Variants in FBN3 observed in about 807,000 individuals in gnomAD.
FBN3 encodes the protein fibrillin 3.
In FBN3, 234 loss-of-function variants were observed where a neutral mutation model predicts 330.1. The observed-to-expected ratio is 0.71, with a 90% CI of 0.64 to 0.79. FBN3 has a LOEUF of 0.79. Among genes scored for constraint, FBN3 ranks in the 30% least tolerant of loss-of-function variants. The probability of loss-of-function intolerance (pLI) is 0.00; values close to 1 mark genes in which losing one functional copy is unlikely to be tolerated. For synonymous variants in FBN3, 1,458 were observed against 1,517.3 expected, an observed-to-expected ratio of 0.96 and a Z score of 0.91; for missense variants, 3,606 against 3,886.9, an observed-to-expected ratio of 0.93 and a Z score of 1.92.
Position 8,121,147 on chromosome 19 carries a change from T to C in FBN3, c.3211+111A>G, listed in dbSNP as rs1162212443. 3.8e-6 allele frequency: 4 copies of C among 1,066,634 alleles called. No homozygotes were observed. Among genetic ancestry groups the C allele is most frequent in the Non-Finnish European group, 5.4e-6 (4 of 734,858 alleles). The allele number at this position is 1,066,634 out of a possible 1,614,324, so 66.1% of individuals were successfully genotyped here. On this transcript the variant is annotated intron_variant, in intron 25 of 63. Coordinates refer to ENST00000600128, the MANE Select transcript of FBN3 (RefSeq NM_032447.5). The surrounding 1 kb of genome is among the most constrained non-coding windows in gnomAD (Gnocchi z 4.5). The stretch of plus-strand genomic sequence containing the variant: ...CAGCTAATTTACAGCTCCTCCCTCC[T>C]CCTGCCCCCTCCATCCACGTCCACA...
rs1215746968 is a variant in FBN3 at position 8,131,048 on chromosome 19, G to A, written c.2044+187C>T. The stretch of plus-strand genomic sequence containing the variant: ...GCCTCCAAGGGAACCAGCCCTGCCC[G>A]CACCTTGATCTCCGACCTCTGGCCT... On this transcript the variant is annotated intron_variant, in intron 16 of 63. Coordinates refer to ENST00000600128, the MANE Select transcript of FBN3 (RefSeq NM_032447.5). This position sits in a 1 kb window ranked among gnomAD's most constrained non-coding sequence, Gnocchi z 4.5. 1.3e-5 allele frequency among the ~76,000 whole-genome samples: 2 copies of A among 152,130 alleles called. No individual in the cohort carries two copies. Among genetic ancestry groups the A allele is most frequent in the Non-Finnish European group, 1.5e-5 (1 of 68,026 alleles).
intron 29 of FBN3, 67 bp from the exon 30 acceptor site, chr19:8,115,707 G>C (rs1250688626): frequency 6.4e-7 from 1 of 1,564,712 alleles, no homozygotes; most frequent in East Asian, 2.3e-5. Context: ...AAGTAGGTGA[G>C]GGTGGGAGGG....
At chr19:8,083,882 A>G (rs2081870036) in intron 56 of FBN3, among the ~76,000 whole-genome samples, 1 of 148,002 alleles carries the variant, frequency 6.8e-6, no homozygotes, top group Admixed American at 6.9e-5. Flanking sequence ...TGCTCACTGC[A>G]AGCTCCGCCT....
chr19:8,135,936 G>GGGGGGGGGGGCCCCCCCCCCCC, intron 13 of FBN3, 25 bp downstream of exon 13: 2 of 668,752 alleles, frequency 3.0e-6, no homozygotes, highest in East Asian at 3.9e-5. Flanking sequence ...GGAAGCCCCT[G>GGGGGGGGGGGCCCCCCCCCCCC]CCCACCCGCC....
chr19:8,147,084 C>T lies in FBN3; in HGVS notation c.250+20G>A, dbSNP rs1340900132. The stretch of plus-strand genomic sequence containing the variant: ...TCCCCGGCCTGTGCCCCCCCACCTC[C>T]AGACGGCGGTAGCACTCACGTACGA... On this transcript the variant is annotated intron_variant, in intron 3 of 63. Transcript: ENST00000600128. 1 of 1,546,336 alleles carries T rather than the reference C, an allele frequency of 6.5e-7. No homozygotes were observed. The highest frequency in any genetic ancestry group is 1.4e-5 in the African/African-American group (1 of 73,342).
In FBN3 at chr19:8,109,214, C is replaced by G; in HGVS notation, c.4618+13G>C. 1.9e-6 allele frequency: 3 copies of G among 1,613,754 alleles called. No homozygotes were observed. The highest frequency in any genetic ancestry group is 2.5e-6 in the Non-Finnish European group (3 of 1,179,828). On this transcript the variant is annotated intron_variant, in intron 36 of 63. Coordinates refer to ENST00000600128, the MANE Select transcript of FBN3 (RefSeq NM_032447.5). This position sits in a 1 kb window ranked among gnomAD's most constrained non-coding sequence, Gnocchi z 5.2. ...CTTAGGTCACGGTGTTCAACTGCCC[C>G]GCAGGGACTCACTGGTGTTGGCCAT...
intron 51 of FBN3, 21 bp from the exon 52 acceptor site, chr19:8,088,200 G>A: frequency 6.4e-7 from 1 of 1,570,530 alleles, no homozygotes; most frequent in Non-Finnish European, 8.7e-7. Context: ...GTAAGGGGGT[G>A]GTCAGCACCT....
At chr19:8,113,668 C>A (rs2082639320) in intron 30 of FBN3, among the ~76,000 whole-genome samples, 1 of 151,790 alleles carries the variant, frequency 6.6e-6, no homozygotes, top group Admixed American at 6.6e-5. Context: ...ATGATCACAC[C>A]ACTGCACTAT....
intron 41 of FBN3, 128 bp from the exon 42 acceptor site, chr19:8,097,542 G>A (rs2144737058): frequency 9.2e-7 from 1 of 1,081,800 alleles, no homozygotes; most frequent in Non-Finnish European, 1.3e-6. Context: ...ACACACTCAA[G>A]AAAATCTTGC....
In FBN3 at chr19:8,111,774, C is replaced by G. The variant is rs2082591140; in HGVS notation, c.3962-4G>C. 1.2e-6 allele frequency: 2 copies of G among 1,611,958 alleles called. No individual in the cohort carries two copies. Among genetic ancestry groups the G allele is most frequent in the Admixed American group, 1.7e-5 (1 of 59,898 alleles). On this transcript the variant is annotated splice_region_variant and splice_polypyrimidine_tract_variant and intron_variant, in intron 31 of 63. Transcript: ENST00000600128. ...TGGGAGACGCATTCATCCAGGTCTG[C>G]AGGAGATGGAGCCCAGACCCCCCAC...
chr19:8,103,965 A>G (rs553709053), intron 38 of FBN3, among the ~76,000 whole-genome samples: 5 of 151,420 alleles, frequency 3.3e-5, no homozygotes, highest in Admixed American at 2.6e-4. Context: ...GCAAGACCCC[A>G]TCTCTACTAA....
intron 61 of FBN3, among the ~76,000 whole-genome samples, chr19:8,074,190 A>G (rs2081586506): frequency 6.6e-6 from 1 of 152,082 alleles, no homozygotes; most frequent in African/African-American, 2.4e-5. Flanking sequence ...AGAATGAATG[A>G]GTCAGTACGG....
intron 32 of FBN3, 125 bp from the exon 33 acceptor site, chr19:8,111,308 G>C: frequency 8.1e-7 from 1 of 1,238,540 alleles, no homozygotes; most frequent in Non-Finnish European, 1.1e-6. Flanking sequence ...TAGCCCTGGG[G>C]ACTCAGTCCC....
intron 14 of FBN3, 87 bp downstream of exon 14, chr19:8,132,897 C>A: frequency 3.5e-6 from 5 of 1,420,536 alleles, no homozygotes; most frequent in Non-Finnish European, 4.7e-6. Context: ...GTCCCATCCC[C>A]GTCCGGTCCC....
chr19:8,067,088 G>A (rs995205968), intron 63 of FBN3, among the ~76,000 whole-genome samples: 4 of 151,690 alleles, frequency 2.6e-5, no homozygotes, highest in African/African-American at 7.3e-5. Flanking sequence ...GTGGCAGGAG[G>A]ATTGCTTGAG....
intron 46 of FBN3, 44 bp from the exon 47 acceptor site, chr19:8,094,609 AG>A: frequency 6.3e-7 from 1 of 1,590,552 alleles, no homozygotes; most frequent in Non-Finnish European, 8.6e-7. Flanking sequence ...GCCAGGATGC[AG>A]GGGGCTCACT....
chr19:8,111,214 G>A (rs763386413), intron 32 of FBN3, 31 bp from the exon 33 acceptor site: 4 of 1,564,628 alleles, frequency 2.6e-6, no homozygotes, highest in Non-Finnish European at 1.7e-6. Context: ...GAGGGCTGGA[G>A]GCCGGTGGAC....
At chr19:8,111,567 A>C in intron 32 of FBN3, 81 bp downstream of exon 32, 1 of 1,427,328 alleles carries the variant, frequency 7.0e-7, no homozygotes, top group Non-Finnish European at 9.5e-7. Context: ...CAGGAGGTCG[A>C]GTGACCATGG....
chr19:8,111,017 C>T, intron 33 of FBN3, 41 bp downstream of exon 33: 2 of 1,613,902 alleles, frequency 1.2e-6, no homozygotes, highest in Non-Finnish European at 1.7e-6. Flanking sequence ...GCAGGGGGGA[C>T]CTACCCACTC....
Sources: gnomAD v4.1 joint callset for allele counts (sites outside exome capture counted in the v4.1 genomes callset) on GRCh38, gnomAD v4.1.1 for gene constraint, Gnocchi (gnomAD v3.1) non-coding constraint, MANE v1.5 for transcripts, NCBI Gene and HGNC (gene_info 2026-07-23, HGNC 2026-07-21) for gene names.